FBXO11: variants seen among roughly 807,000 people sequenced by gnomAD.
The protein encoded by FBXO11 is F-box only protein 11.
FBXO11 carries 13 observed loss-of-function variants against 117.0 expected under a neutral mutation model. The ratio of observed to expected loss-of-function variants is 0.11; its 90% CI spans 0.07 to 0.18. FBXO11 has a LOEUF of 0.18. Ranked by LOEUF, FBXO11 falls within the 10% of genes least tolerant of loss-of-function variation. FBXO11 has a pLI of 1.00. For synonymous variants in FBXO11, 490 were observed against 380.5 expected, an observed-to-expected ratio of 1.29 and a Z score of -3.35; for missense variants, 767 against 1,164.4, an observed-to-expected ratio of 0.66 and a Z score of 4.97.
At chr2:47,874,168 T>C (rs1000321960) in intron 1 of FBXO11, among the ~76,000 whole-genome samples, 7 of 152,120 alleles carry the variant, frequency 4.6e-5, no homozygotes, top group African/African-American at 1.7e-4. Context: ...GAGCAGAGAT[T>C]GCACCACTGC....
chr2:47,906,183 G>A lies in FBXO11; in HGVS notation c.-463C>T, dbSNP rs1030430426. On this transcript the variant is annotated 5_prime_UTR_variant, in exon 1 of 23. Transcript: ENST00000403359. ...GGGTGAGGAAGGGAGAAAAAGAGAG[G>A]GAGAGAAGGGAGGGAGGGAGCAGGG... The A allele has an allele frequency of 7.2e-5, 13 of 180,662 alleles. 1 individual carries two copies. In the South Asian group the frequency reaches 1.1e-3, roughly 15 times the overall value. 11.2% of individuals were successfully genotyped at this position (180,662 alleles called of 1,614,324 possible). A position where few individuals can be genotyped will look rare whatever the true frequency, so the allele number is the denominator to read the frequency against.
chr2:47,862,965 G>A (rs1033418015), intron 1 of FBXO11, among the ~76,000 whole-genome samples: 1 of 149,866 alleles, frequency 6.7e-6, no homozygotes, highest in Non-Finnish European at 1.5e-5. Context: ...TAAGGCAGGA[G>A]AATCGCTTGA....
intron 19 of FBXO11, chr2:47,809,918 C>T (rs932886848): frequency 1.8e-6 from 1 of 540,970 alleles, no homozygotes. Context: ...ACTTTCGCAC[C>T]AACCTAACTG....
At chr2:47,835,291 G>A (rs781426596) in intron 5 of FBXO11, among the ~76,000 whole-genome samples, 7 of 152,130 alleles carry the variant, frequency 4.6e-5, no homozygotes, top group Non-Finnish European at 5.9e-5. Flanking sequence ...ACGAAGGGCC[G>A]TATAACAATT....
At chr2:47,894,892 G>GT (rs1380083463) in intron 1 of FBXO11, among the ~76,000 whole-genome samples, 1 of 152,102 alleles carries the variant, frequency 6.6e-6, no homozygotes, top group Admixed American at 6.6e-5. Flanking sequence ...CTCCTCCTCT[G>GT]TTTTTTGTGG....
intron 1 of FBXO11, among the ~76,000 whole-genome samples, chr2:47,870,702 G>A (rs1268887435): frequency 6.6e-6 from 1 of 152,192 alleles, no homozygotes; most frequent in Non-Finnish European, 1.5e-5. Context: ...ATAAATTTCT[G>A]TTGTTTCAAG....
At chr2:47,856,229 A>G (rs1355420802) in intron 1 of FBXO11, among the ~76,000 whole-genome samples, 1 of 152,204 alleles carries the variant, frequency 6.6e-6, no homozygotes, top group Non-Finnish European at 1.5e-5. Context: ...AAACCACCAA[A>G]CAAGCATAAA....
intron 13 of FBXO11, among the ~76,000 whole-genome samples, chr2:47,821,885 A>T (rs2104728966): frequency 6.6e-6 from 1 of 152,290 alleles, no homozygotes; most frequent in African/African-American, 2.4e-5. Flanking sequence ...TGAGGCCAGG[A>T]GTTCAAGACC....
intron 1 of FBXO11, among the ~76,000 whole-genome samples, chr2:47,841,621 T>C (rs899845214): frequency 1.1e-4 from 16 of 152,110 alleles, no homozygotes; most frequent in Non-Finnish European, 2.2e-4. Context: ...ATTAAGAATG[T>C]ACCCTTTGGT....
chr2:47,901,648 T>C (rs1202866752), intron 1 of FBXO11, among the ~76,000 whole-genome samples: 1 of 151,310 alleles, frequency 6.6e-6, no homozygotes, highest in Non-Finnish European at 1.5e-5. Context: ...TCACCCAGGC[T>C]GGAGTGCAGT....
At chr2:47,885,004 T>C (rs1676712706) in intron 1 of FBXO11, among the ~76,000 whole-genome samples, 1 of 152,178 alleles carries the variant, frequency 6.6e-6, no homozygotes, top group Non-Finnish European at 1.5e-5. Flanking sequence ...AGCAACTTCA[T>C]TACCAAACAG....
intron 11 of FBXO11, among the ~76,000 whole-genome samples, chr2:47,830,858 T>C (rs1672127270): frequency 6.6e-6 from 1 of 152,018 alleles, no homozygotes; most frequent in Non-Finnish European, 1.5e-5. Context: ...AAGGCACACA[T>C]CTTACATCTT....
chr2:47,869,368 G>A (rs1675442469), intron 1 of FBXO11, among the ~76,000 whole-genome samples: 1 of 152,218 alleles, frequency 6.6e-6, no homozygotes, highest in African/African-American at 2.4e-5. Flanking sequence ...GCAAAGAAGG[G>A]TGTTATTGTG....
intron 1 of FBXO11, among the ~76,000 whole-genome samples, chr2:47,903,682 T>C (rs1678496529): frequency 6.6e-6 from 1 of 152,240 alleles, no homozygotes; most frequent in Non-Finnish European, 1.5e-5. Context: ...AATGCTAATA[T>C]TATTAACCAA....
At chr2:47,852,728 A>G (rs940558462) in intron 1 of FBXO11, among the ~76,000 whole-genome samples, 1 of 152,240 alleles carries the variant, frequency 6.6e-6, no homozygotes, top group Non-Finnish European at 1.5e-5. Context: ...CCTAACACTT[A>G]CTGAAAACCT....
Position 47,808,187 on chromosome 2 carries a change from A to C in FBXO11, c.2715T>G (p.Pro905=), listed in dbSNP as rs1414543486. The change falls in exon 23 of 23, where the codon CCT becomes CCG. Residue 905 remains proline, a synonymous_variant. Transcript: ENST00000403359. ...CATATAGTGTATCTGTATCATGTGT[A>C]GGCTCACCAGCTAATGTACAAGGAT... The part of the protein sequence containing the change: ...LSNPCTLAGE[P]THDTDTLYDS... 6 of 1,613,512 alleles carry C rather than the reference A, an allele frequency of 3.7e-6. No individual in the cohort carries two copies. In the East Asian group the frequency reaches 1.3e-4, roughly 36 times the overall value.
intron 1 of FBXO11, among the ~76,000 whole-genome samples, chr2:47,893,610 C>T (rs1677432203): frequency 6.6e-6 from 1 of 152,176 alleles, no homozygotes; most frequent in African/African-American, 2.4e-5. Context: ...AACTCAGTTT[C>T]TTAACTTTAA....
At chr2:47,865,311 C>G (rs914023701) in intron 1 of FBXO11, among the ~76,000 whole-genome samples, 2 of 152,188 alleles carry the variant, frequency 1.3e-5, no homozygotes, top group African/African-American at 4.8e-5. Flanking sequence ...GGCCATCTGA[C>G]TAGGTTTTGG....
intron 1 of FBXO11, among the ~76,000 whole-genome samples, chr2:47,873,906 G>T (rs1358479972): frequency 2.6e-5 from 4 of 152,042 alleles, no homozygotes. Flanking sequence ...AGGGCAGCTG[G>T]CTTTTTTTTA....
Sources: allele counts gnomAD v4.1 joint callset (sites outside exome capture counted in the v4.1 genomes callset), GRCh38; gene constraint gnomAD v4.1.1; transcripts MANE v1.5; gene names NCBI Gene and HGNC (gene_info 2026-07-23, HGNC 2026-07-21).